DNAAF11: variants seen among roughly 807,000 people sequenced by gnomAD.
DNAAF11 encodes the protein leucine rich repeat containing 6.
In DNAAF11, 45 loss-of-function variants were observed where a neutral mutation model predicts 60.8. The ratio of observed to expected loss-of-function variants is 0.74; its 90% CI spans 0.58 to 0.95. The LOEUF (loss-of-function observed/expected upper bound fraction) is 0.95. DNAAF11 is among the 40% of genes least tolerant of loss of function. The pLI is 0.00. For synonymous variants in DNAAF11, 191 were observed against 183.5 expected (o/e 1.04, Z -0.33); for missense variants, 546 against 546.2 (o/e 1.00, Z 0.00).
chr8:132,669,801 T>C (rs990750047), intron 1 of DNAAF11, among the ~76,000 whole-genome samples: 2 of 151,746 alleles, frequency 1.3e-5, no homozygotes, highest in African/African-American at 4.8e-5. Context: ...AAAGGAAAAT[T>C]AGAAAGTATT....
intron 4 of DNAAF11, among the ~76,000 whole-genome samples, chr8:132,633,470 A>C (rs1383936478): frequency 1.3e-5 from 2 of 152,212 alleles, no homozygotes; most frequent in Non-Finnish European, 2.9e-5. Flanking sequence ...TCCAAAGTAA[A>C]ATATTAAAAT....
chr8:132,585,200 T>C (rs1378206395), intron 10 of DNAAF11, among the ~76,000 whole-genome samples: 1 of 152,334 alleles, frequency 6.6e-6, no homozygotes, highest in Admixed American at 6.5e-5. Flanking sequence ...TGGGCTCTGA[T>C]GGATGCCCAC....
intron 10 of DNAAF11, among the ~76,000 whole-genome samples, chr8:132,587,847 G>A (rs1454274221): frequency 6.6e-6 from 1 of 152,120 alleles, no homozygotes; most frequent in Admixed American, 6.5e-5. Context: ...TGAACACAGA[G>A]GCAGTACGAG....
At chr8:132,624,469 G>T (rs6471086) in intron 6 of DNAAF11, among the ~76,000 whole-genome samples, 149,869 of 152,318 alleles carry the variant, frequency 0.98, 73,738 homozygotes, top group East Asian at 1. Flanking sequence ...TAAAATTTGA[G>T]TTTTGATTGT....
At chr8:132,595,157 G>C (rs2131108493) in intron 10 of DNAAF11, among the ~76,000 whole-genome samples, 1 of 152,080 alleles carries the variant, frequency 6.6e-6, no homozygotes, top group East Asian at 1.9e-4. Flanking sequence ...GACTAATACA[G>C]ATGTAAACAG....
In DNAAF11 at chr8:132,661,607, G is replaced by A. The variant is rs115536785; in HGVS notation, c.31C>T (p.Arg11Trp). 4.2e-4 allele frequency: 675 copies of A among 1,613,926 alleles called. No homozygotes were observed. Among genetic ancestry groups the A allele is most frequent in the African/African-American group, 2.7e-3 (200 of 75,040 alleles). ...ACACAGTCGTTGTGTTCAGCATTCC[G>A]TCTAATAAGATCTTCTGTGACTGGA... The part of the protein sequence containing the change: MGWITEDLIR[R>W]NAEHNDCVIF... The change falls in exon 2 of 12, where the codon CGG becomes TGG. Residue 11 changes from arginine (R) to tryptophan (W), a missense_variant. Arg to Trp is a moderately radical substitution (Grantham distance 101). Coordinates refer to ENST00000620350, the MANE Select transcript of DNAAF11 (RefSeq NM_012472.6).
intron 5 of DNAAF11, among the ~76,000 whole-genome samples, chr8:132,626,315 C>T (rs1198314939): frequency 7.2e-5 from 11 of 152,088 alleles, no homozygotes; most frequent in African/African-American, 1.4e-4. Context: ...CCTCCCAAAG[C>T]GCTGGCATTA....
chr8:132,608,736 C>T (rs972660579), intron 10 of DNAAF11, among the ~76,000 whole-genome samples: 2 of 152,154 alleles, frequency 1.3e-5, no homozygotes, highest in Admixed American at 6.5e-5. Context: ...TCTTAGATTT[C>T]CCTATAGAAT....
chr8:132,585,342 T>C (rs1488055762), intron 10 of DNAAF11, among the ~76,000 whole-genome samples: 1 of 152,212 alleles, frequency 6.6e-6, no homozygotes, highest in African/African-American at 2.4e-5. Flanking sequence ...TGTGATGCCA[T>C]GCAGCTCCCT....
chr8:132,689,199 G>A, the DNAAF11 span, among the ~76,000 whole-genome samples: 1 of 152,118 alleles, frequency 6.6e-6, no homozygotes, highest in Non-Finnish European at 1.5e-5. Flanking sequence ...TTTGTAAAAT[G>A]GGATGATAAT....
At chr8:132,702,495 T>G in the DNAAF11 span, among the ~76,000 whole-genome samples, 1 of 152,174 alleles carries the variant, frequency 6.6e-6, no homozygotes, top group African/African-American at 2.4e-5. Flanking sequence ...CTCCTTTCTA[T>G]CATCTCACCT....
intron 10 of DNAAF11, among the ~76,000 whole-genome samples, chr8:132,599,339 A>G (rs923861034): frequency 3.9e-5 from 6 of 152,234 alleles, no homozygotes; most frequent in Non-Finnish European, 5.9e-5. Context: ...AAATTCTACC[A>G]GAGGTACAAA....
At chr8:132,664,194 A>G (rs982205304) in intron 1 of DNAAF11, among the ~76,000 whole-genome samples, 1 of 152,240 alleles carries the variant, frequency 6.6e-6, no homozygotes, top group African/African-American at 2.4e-5. Context: ...TATTGAAGAT[A>G]TAATTTGAAC....
intron 3 of DNAAF11, among the ~76,000 whole-genome samples, chr8:132,642,732 T>C (rs9297854): frequency 0.51 from 78,283 of 152,120 alleles, 23,249 homozygotes; most frequent in African/African-American, 0.83. Flanking sequence ...CCTCTAGCAA[T>C]GGCTGCTTCC....
chr8:132,645,493 G>A (rs1822287730), intron 3 of DNAAF11, among the ~76,000 whole-genome samples: 1 of 152,154 alleles, frequency 6.6e-6, no homozygotes, highest in Non-Finnish European at 1.5e-5. Flanking sequence ...AATGACTTTA[G>A]GCAAAGTGGA....
At chr8:132,650,218 G>A (rs575771782) in intron 3 of DNAAF11, among the ~76,000 whole-genome samples, 30 of 152,302 alleles carry the variant, frequency 2.0e-4, no homozygotes, top group African/African-American at 7.2e-4. Flanking sequence ...GTCTTTTGTA[G>A]GGACATGGAT....
In DNAAF11 at chr8:132,610,197, G is replaced by C. The variant is rs148424037; in HGVS notation, c.1109C>G (p.Thr370Arg). The C allele has an allele frequency of 3.4e-4, 554 of 1,613,834 alleles. 1 individual carries two copies. The highest frequency in any genetic ancestry group is 4.5e-4 in the Non-Finnish European group (535 of 1,179,884). The stretch of plus-strand genomic sequence containing the variant: ...CATGCAGATGACCAAATGACCCGTT[G>C]TCTGAGATCTTTTAGCAGAACTACT... ...PDSSSAKRSQTTGHLVICMPK... is the reference protein window; with the variant it reads ...PDSSSAKRSQRTGHLVICMPK... Residue 370 changes from threonine to arginine, a missense_variant, in exon 10 of 12, where the codon ACA becomes AGA. Transcript: ENST00000620350.
At chr8:132,620,975 A>G (rs1819700598) in intron 7 of DNAAF11, among the ~76,000 whole-genome samples, 1 of 152,186 alleles carries the variant, frequency 6.6e-6, no homozygotes, top group Non-Finnish European at 1.5e-5. Context: ...GTCATCACCA[A>G]GACTGATAAT....
chr8:132,647,347 C>A (rs1373563123), intron 3 of DNAAF11, among the ~76,000 whole-genome samples: 1 of 152,158 alleles, frequency 6.6e-6, no homozygotes, highest in Non-Finnish European at 1.5e-5. Context: ...CTAACAGAAT[C>A]TCTGGGACAC....
Sources: allele counts gnomAD v4.1 joint callset (sites outside exome capture counted in the v4.1 genomes callset), GRCh38; gene constraint gnomAD v4.1.1; transcripts MANE v1.5; gene names NCBI Gene and HGNC (gene_info 2026-07-23, HGNC 2026-07-21).